Variants in SORBS2 observed in about 807,000 individuals in gnomAD.
SORBS2 encodes the protein sorbin and SH3 domain containing 2.
Under a neutral mutation model 97.7 loss-of-function variants are expected in SORBS2, and 46 were observed. That is an observed-to-expected ratio of 0.47 (90% confidence interval 0.37 to 0.60). SORBS2 has a LOEUF of 0.60. Ranked by LOEUF, SORBS2 falls within the 20% of genes least tolerant of loss-of-function variation. The probability of loss-of-function intolerance (pLI) is 0.00; values close to 1 mark genes in which losing one functional copy is unlikely to be tolerated. For synonymous variants in SORBS2, 476 were observed against 473.4 expected (o/e 1.01, Z -0.07); for missense variants, 1,316 against 1,282.3 (o/e 1.03, Z -0.40).
At chr4:185,641,267 C>T (rs1386129861) in intron 4 of SORBS2, among the ~76,000 whole-genome samples, 1 of 151,920 alleles carries the variant, frequency 6.6e-6, no homozygotes, top group Non-Finnish European at 1.5e-5. Context: ...ATCTAGAATG[C>T]ATGCCAATAG....
At position 185,750,103 on chromosome 4, in the gene SORBS2, C is replaced by T. The variant is rs149084597; in HGVS notation, c.-198+25124G>A. On this transcript the variant is annotated intron_variant, in intron 2 of 20. Transcript: ENST00000284776. Reference sequence around the variant, plus strand: ...CTACGTGCAGTGGACTAAAGCTGGACGCCGGAGTGTCCCACAGACCCAGGT... The same window carrying T: ...CTACGTGCAGTGGACTAAAGCTGGATGCCGGAGTGTCCCACAGACCCAGGT... Among the ~76,000 whole-genome samples, 7 of 152,350 alleles carry T rather than the reference C, an allele frequency of 4.6e-5. 1 individual carries two copies. In the East Asian group the frequency reaches 5.8e-4, roughly 13 times the overall value.
At chr4:185,779,683 A>C (rs530706384) in intron 1 of SORBS2, among the ~76,000 whole-genome samples, 79 of 152,236 alleles carry the variant, frequency 5.2e-4, no homozygotes, top group Non-Finnish European at 9.3e-4. Flanking sequence ...TCTAGAGAAC[A>C]TTCTTTACCC....
chr4:185,903,193 G>T (rs1431512696), intron 1 of SORBS2, among the ~76,000 whole-genome samples: 3 of 152,120 alleles, frequency 2.0e-5, no homozygotes, highest in Non-Finnish European at 2.9e-5. Context: ...GTGATTTTGG[G>T]GGGGCATGCC....
At chr4:185,601,763 T>C (rs1416503683) in intron 12 of SORBS2, among the ~76,000 whole-genome samples, 7 of 151,822 alleles carry the variant, frequency 4.6e-5, no homozygotes, top group Non-Finnish European at 7.4e-5. Flanking sequence ...CGTGAACATA[T>C]TAGGAAAAAT....
At chr4:185,594,777 T>C (rs2096045424) in intron 12 of SORBS2, among the ~76,000 whole-genome samples, 1 of 152,204 alleles carries the variant, frequency 6.6e-6, no homozygotes, top group African/African-American at 2.4e-5. Flanking sequence ...TAATTTATAT[T>C]GACTACCTAA....
In SORBS2 at chr4:185,926,775, A is replaced by G. The variant is rs57240344; in HGVS notation, c.-338+29421T>C. ...TTTAAAAGCTTTTTGATGTGGCACA[A>G]GGATCTTTATTTCTAAGAAAGTGAC... is the stretch of plus-strand genomic sequence containing the variant. On this transcript the variant is annotated intron_variant, in intron 1 of 20. Transcript: ENST00000284776. Among the ~76,000 whole-genome samples, 858 of 152,224 alleles carry G rather than the reference A, an allele frequency of 5.6e-3. 9 individuals carry two copies. The highest frequency in any genetic ancestry group is 0.02 in the African/African-American group (822 of 41,552).
intron 1 of SORBS2, among the ~76,000 whole-genome samples, chr4:185,789,247 G>A (rs2099069905): frequency 6.6e-6 from 1 of 152,096 alleles, no homozygotes; most frequent in African/African-American, 2.4e-5. Flanking sequence ...GTTTCTTTGA[G>A]ATTAATATGA....
chr4:185,779,265 C>G (rs1584693153), intron 1 of SORBS2, among the ~76,000 whole-genome samples: 1 of 152,304 alleles, frequency 6.6e-6, no homozygotes, highest in East Asian at 1.9e-4. Flanking sequence ...GGCTGTAGGT[C>G]ACTTACTTAG....
At chr4:185,912,259 A>G (rs2099255541) in intron 1 of SORBS2, among the ~76,000 whole-genome samples, 1 of 151,826 alleles carries the variant, frequency 6.6e-6, no homozygotes, top group Non-Finnish European at 1.5e-5. Context: ...ATTGTTTGGC[A>G]CTCATTATTT....
At chr4:185,662,109 G>C in exon 5 of SORBS2, 1 of 1,614,140 alleles carries the variant, frequency 6.2e-7, no homozygotes, top group East Asian at 2.2e-5. Flanking sequence ...CTTACCGAGG[G>C]ATGTGCCGTG....
chr4:185,802,174 A>C (rs762572510), intron 1 of SORBS2, among the ~76,000 whole-genome samples: 1 of 152,228 alleles, frequency 6.6e-6, no homozygotes, highest in Non-Finnish European at 1.5e-5. Context: ...TTATTGTATA[A>C]GTTACTTCTG....
chr4:185,767,204 A>C (rs1267217675), intron 2 of SORBS2, among the ~76,000 whole-genome samples: 2 of 152,094 alleles, frequency 1.3e-5, no homozygotes, highest in African/African-American at 4.8e-5. Context: ...GTTTTATTGA[A>C]AATGAAAGAG....
Position 185,795,564 on chromosome 4 carries a change from GA to G in SORBS2, c.-337-20199del, listed in dbSNP as rs141879097. Among the ~76,000 whole-genome samples, 1,442 of 151,544 alleles carry G rather than the reference GA, an allele frequency of 9.5e-3. 19 individuals are homozygous for G. Among genetic ancestry groups the G allele is most frequent in the African/African-American group, 0.032 (1,335 of 41,398 alleles). On this transcript the variant is annotated intron_variant, in intron 1 of 20. Transcript: ENST00000284776. Reference sequence around the variant, plus strand: ...ATCCTGCAAAATACACACAAGATGCGAAAAAAAAGAATGTCAAGGAAATCAT... The same window carrying G: ...ATCCTGCAAAATACACACAAGATGCGAAAAAAAGAATGTCAAGGAAATCAT...
At chr4:185,672,602 T>C (rs13110479) in intron 4 of SORBS2, among the ~76,000 whole-genome samples, 5,616 of 152,274 alleles carry the variant, frequency 0.037, 164 homozygotes, top group Non-Finnish European at 0.056. Context: ...CTATGAAAAA[T>C]TGTCAAATAT....
intron 1 of SORBS2, among the ~76,000 whole-genome samples, chr4:185,779,350 A>G (rs1486183546): frequency 6.6e-6 from 1 of 152,138 alleles, no homozygotes; most frequent in Non-Finnish European, 1.5e-5. Flanking sequence ...GAAAATTGTT[A>G]TTTGAAACAG....
At chr4:185,922,288 C>G (rs2099261261) in intron 1 of SORBS2, among the ~76,000 whole-genome samples, 1 of 110,244 alleles carries the variant, frequency 9.1e-6, no homozygotes, top group Non-Finnish European at 1.9e-5. Context: ...CTCTCTCTGT[C>G]CCAGCCCCTC....
intron 2 of SORBS2, among the ~76,000 whole-genome samples, chr4:185,721,309 G>A (rs545321313): frequency 4.6e-5 from 7 of 152,092 alleles, no homozygotes; most frequent in South Asian, 4.2e-4. Context: ...TCCTGACCTT[G>A]GGTGATCCGC....
intron 1 of SORBS2, among the ~76,000 whole-genome samples, chr4:185,814,351 T>A (rs2099191962): frequency 6.7e-6 from 1 of 149,590 alleles, no homozygotes; most frequent in Admixed American, 6.7e-5. Flanking sequence ...GGCAACAGAC[T>A]GCATCTCTAC....
In SORBS2 at chr4:185,879,685, T is replaced by C. The variant is rs535690882; in HGVS notation, c.-338+76511A>G. 1.2e-4 allele frequency among the ~76,000 whole-genome samples: 16 copies of C among 138,638 alleles called. No individual in the cohort carries two copies. In the South Asian group the frequency reaches 1.2e-3, roughly 10 times the overall value. 91.0% of individuals were successfully genotyped at this position (138,638 alleles called of 152,430 possible). On this transcript the variant is annotated intron_variant, in intron 1 of 20. Coordinates refer to the SORBS2 transcript ENST00000284776. The stretch of plus-strand genomic sequence containing the variant: ...TCCACATCCTCTCCAGCACCTGTTG[T>C]TTCCTGACTTTTTAATGATCGCCAT...
Sources: gnomAD v4.1 joint callset for allele counts (sites outside exome capture counted in the v4.1 genomes callset) on GRCh38, gnomAD v4.1.1 for gene constraint, MANE v1.5 for transcripts, NCBI Gene and HGNC (gene_info 2026-07-23, HGNC 2026-07-21) for gene names.